TGM6: variants seen among roughly 807,000 people sequenced by gnomAD.
TGM6 encodes the protein protein-glutamine gamma-glutamyltransferase 6.
In TGM6, 74 loss-of-function variants were observed where a neutral mutation model predicts 77.5. The observed-to-expected ratio is 0.96, with a 90% CI of 0.79 to 1.16. The LOEUF is 1.16. Among genes scored for constraint, TGM6 ranks in the 50% most tolerant of loss-of-function variants. The probability of loss-of-function intolerance (pLI) is 0.00; values close to 1 mark genes in which losing one functional copy is unlikely to be tolerated. For missense variants in TGM6, 968 were observed against 940.2 expected (o/e 1.03, Z -0.39); for synonymous variants, 383 against 378.9 (o/e 1.01, Z -0.12).
intron 7 of TGM6, among the ~76,000 whole-genome samples, 181 bp downstream of exon 7, chr20:2,400,625 A>C (rs935226090): frequency 6.6e-6 from 1 of 151,080 alleles, no homozygotes; most frequent in Non-Finnish European, 1.5e-5. Context: ...CCAAGATGTA[A>C]GGTCTGAGGT....
At position 2,394,626 on chromosome 20, in the gene TGM6, G is replaced by T. The variant is rs1364056266; in HGVS notation, c.181+1G>T. ...ATCCTCATCTTCACGATGGAGACAG[G>T]TAACTGGGCTTGCCAGCACCCTCTT... On this transcript the variant is annotated splice_donor_variant, in intron 2 of 12. Transcript: ENST00000202625. LOFTEE classifies it high-confidence loss of function. 1 of 1,607,696 alleles carries T rather than the reference G, an allele frequency of 6.2e-7. No homozygotes were observed. The highest frequency in any genetic ancestry group is 1.1e-5 in the South Asian group (1 of 89,890).
At chr20:2,417,724 C>G in intron 10 of TGM6, 151 bp downstream of exon 10, 1 of 913,040 alleles carries the variant, frequency 1.1e-6, no homozygotes, top group Non-Finnish European at 1.7e-6. Flanking sequence ...GCCTCTTGTC[C>G]CGACTTTACA....
At chr20:2,406,831 C>CAAAAAAAAAAAAAAAAAAAAAAA (rs3050731) in intron 9 of TGM6, among the ~76,000 whole-genome samples, 5 of 63,710 alleles carry the variant, frequency 7.8e-5, no homozygotes, top group Non-Finnish European at 1.3e-4. Context: ...CGAAACTCCT[C>CAAAAAAAAAAAAAAAAAAAAAAA]AAAAAAAAAA....
chr20:2,394,842 C>T (rs1196708427), intron 2 of TGM6, among the ~76,000 whole-genome samples: 1 of 152,138 alleles, frequency 6.6e-6, no homozygotes, highest in African/African-American at 2.4e-5. Context: ...GGGATGACCT[C>T]TCTGGAACCC....
At chr20:2,398,069 C>T in intron 5 of TGM6, 23 bp downstream of exon 5, 1 of 1,614,180 alleles carries the variant, frequency 6.2e-7, no homozygotes, top group Non-Finnish European at 8.5e-7. Context: ...TCCATCCCTG[C>T]ACATGTACTT....
chr20:2,388,077 A>G (rs1568652648), intron 1 of TGM6, among the ~76,000 whole-genome samples: 1 of 152,056 alleles, frequency 6.6e-6, no homozygotes, highest in Admixed American at 6.5e-5. Context: ...ACAATGTGTC[A>G]CTCTGTCTTA....
chr20:2,403,479 A>AC lies in TGM6; in HGVS notation c.1078dup (p.Gln360ProfsTer5). On this transcript the variant is annotated frameshift_variant, in exon 8 of 13. Transcript: ENST00000202625. LOFTEE classifies it high-confidence loss of function. Reference sequence around the variant, plus strand: ...CAATGGCTGGCAGGTTCTGGATGCCACCCCCCAGGAGGAGAGTGAAGGTAC... The same window carrying AC: ...CAATGGCTGGCAGGTTCTGGATGCCACCCCCCCAGGAGGAGAGTGAAGGTAC... The AC allele has an allele frequency of 6.2e-7, 1 of 1,613,756 alleles. No individual in the cohort carries two copies.
At chr20:2,381,804 G>T (rs6113940) in intron 1 of TGM6, among the ~76,000 whole-genome samples, 2,679 of 152,284 alleles carry the variant, frequency 0.018, 81 homozygotes, top group African/African-American at 0.062. Flanking sequence ...CAAAGTCCCA[G>T]CTACTTGGGA....
chr20:2,416,619 G>A (rs780572066), intron 9 of TGM6, among the ~76,000 whole-genome samples: 15 of 152,178 alleles, frequency 9.9e-5, no homozygotes, highest in Non-Finnish European at 1.6e-4. Context: ...AGTTCTGGGT[G>A]TTGCCATAGC....
At chr20:2,427,186 G>T (rs995105225) in intron 10 of TGM6, among the ~76,000 whole-genome samples, 7 of 152,000 alleles carry the variant, frequency 4.6e-5, no homozygotes, top group Admixed American at 6.6e-5. Context: ...GTAGATATAG[G>T]CCTATTCATG....
intron 9 of TGM6, among the ~76,000 whole-genome samples, chr20:2,409,828 C>T (rs752622483): frequency 5.3e-5 from 8 of 151,886 alleles, no homozygotes; most frequent in Admixed American, 1.3e-4. Flanking sequence ...GCAGAAAAAT[C>T]ATAAAAGAAA....
At position 2,403,794 on chromosome 20, in the gene TGM6, A is replaced by T. The variant is rs573390589; in HGVS notation, c.1307A>T (p.Asp436Val). The change falls in exon 9 of 13, where the codon GAC (aspartate) becomes GTC (valine). Residue 436 changes from aspartate (D) to valine (V), a missense_variant. Transcript: ENST00000202625. Reference protein sequence around the residue: ...TKAVGSDSRVDITDLYKYPEG... With the variant: ...TKAVGSDSRVVITDLYKYPEG... Reference sequence around the variant, plus strand: ...GCGGTGGGCAGTGACTCCCGCGTGGACATCACTGACCTCTACAAGTATCCG... The same window carrying T: ...GCGGTGGGCAGTGACTCCCGCGTGGTCATCACTGACCTCTACAAGTATCCG... 2.5e-6 allele frequency: 4 copies of T among 1,614,194 alleles called. No individual in the cohort carries two copies. Among genetic ancestry groups the T allele is most frequent in the African/African-American group, 2.7e-5 (2 of 75,066 alleles).
At chr20:2,383,442 GC>G (rs1160975119) in intron 1 of TGM6, among the ~76,000 whole-genome samples, 1 of 152,222 alleles carries the variant, frequency 6.6e-6, no homozygotes, top group Non-Finnish European at 1.5e-5. Flanking sequence ...CTTAGGTGGA[GC>G]TCTGGGGCCA....
At chr20:2,411,097 A>C (rs943247643) in intron 9 of TGM6, among the ~76,000 whole-genome samples, 1 of 152,220 alleles carries the variant, frequency 6.6e-6, no homozygotes, top group Non-Finnish European at 1.5e-5. Flanking sequence ...AGATGAGGGA[A>C]TACTTCTCAA....
At chr20:2,385,191 G>A (rs998430910) in intron 1 of TGM6, among the ~76,000 whole-genome samples, 1 of 152,224 alleles carries the variant, frequency 6.6e-6, no homozygotes, top group Non-Finnish European at 1.5e-5. Flanking sequence ...GATAATGGCA[G>A]TTCTGACTCA....
intron 9 of TGM6, among the ~76,000 whole-genome samples, chr20:2,405,020 G>C (rs190732338): frequency 7.2e-5 from 11 of 152,308 alleles, no homozygotes; most frequent in Non-Finnish European, 1.3e-4. Flanking sequence ...GGTCAATTCT[G>C]TGGGTCAACA....
At position 2,400,164 on chromosome 20, in the gene TGM6, C is replaced by T. The variant is rs532996098; in HGVS notation, c.851-142C>T. 7 of 1,220,720 alleles carry T rather than the reference C, an allele frequency of 5.7e-6. No individual in the cohort carries two copies. In the South Asian group the frequency reaches 6.8e-5, roughly 12 times the overall value. 75.6% of individuals were successfully genotyped at this position (1,220,720 alleles called of 1,614,324 possible). A position where few individuals can be genotyped will look rare whatever the true frequency, so the allele number is the denominator to read the frequency against. On this transcript the variant is annotated intron_variant, in intron 6 of 12. Coordinates refer to ENST00000202625, the MANE Select transcript of TGM6 (RefSeq NM_198994.3). ...AGTGGAGATGGGAGTCTCAGCCCCA[C>T]AACCTGATGAACTAGACACACAGAC...
intron 1 of TGM6, among the ~76,000 whole-genome samples, chr20:2,381,388 G>A (rs1413590102): frequency 3.9e-5 from 6 of 152,190 alleles, no homozygotes; most frequent in Non-Finnish European, 8.8e-5. Context: ...CCCACCGGCT[G>A]CATCCTCGCC....
At chr20:2,430,659 G>C in intron 11 of TGM6, 59 bp downstream of exon 11, 2 of 1,611,698 alleles carry the variant, frequency 1.2e-6, no homozygotes, top group Non-Finnish European at 1.7e-6. Flanking sequence ...CCAGAGCTGG[G>C]GGAGGGCGTC....
Sources: allele counts gnomAD v4.1 joint callset (sites outside exome capture counted in the v4.1 genomes callset), GRCh38; gene constraint gnomAD v4.1.1; transcripts MANE v1.5; gene names NCBI Gene and HGNC (gene_info 2026-07-23, HGNC 2026-07-21).